HTR2A: variants seen among roughly 807,000 people sequenced by gnomAD.
The protein encoded by HTR2A is 5-hydroxytryptamine receptor 2A, also known as 5-HT2 receptor.
In HTR2A, 14 loss-of-function variants were observed where a neutral mutation model predicts 31.0. The ratio of observed to expected loss-of-function variants is 0.45; its 90% CI spans 0.30 to 0.71. HTR2A has a LOEUF of 0.71. HTR2A is among the 30% of genes least tolerant of loss of function. HTR2A has a pLI of 0.09. For missense variants in HTR2A, 442 were observed against 573.3 expected, an observed-to-expected ratio of 0.77 and a Z score of 2.34; for synonymous variants, 209 against 225.2, an observed-to-expected ratio of 0.93 and a Z score of 0.64.
chr13:46,854,584 T>C (rs949818475), intron 3 of HTR2A, among the ~76,000 whole-genome samples: 1 of 152,202 alleles, frequency 6.6e-6, no homozygotes, highest in Non-Finnish European at 1.5e-5. Context: ...TTTGAGCCTA[T>C]ATCAGAACAA....
intron 3 of HTR2A, among the ~76,000 whole-genome samples, chr13:46,848,237 T>C (rs1381126400): frequency 6.6e-6 from 1 of 152,232 alleles, no homozygotes; most frequent in Admixed American, 6.5e-5. Flanking sequence ...TTCTATGGTT[T>C]AATTTCTGCT....
intron 3 of HTR2A, among the ~76,000 whole-genome samples, chr13:46,867,829 CAGCA>C (rs1950830239): frequency 6.6e-6 from 1 of 152,338 alleles, no homozygotes; most frequent in Non-Finnish European, 1.5e-5. Context: ...TCATGTCTTG[CAGCA>C]AGATAATGTG....
At chr13:46,893,241 C>T (rs1951069545) in intron 2 of HTR2A, among the ~76,000 whole-genome samples, 1 of 152,154 alleles carries the variant, frequency 6.6e-6, no homozygotes, top group African/African-American at 2.4e-5. Context: ...GGTGTCCTTG[C>T]TCTGAGCTTT....
At chr13:46,870,291 A>G (rs1039177885) in intron 3 of HTR2A, among the ~76,000 whole-genome samples, 1 of 152,210 alleles carries the variant, frequency 6.6e-6, no homozygotes, top group African/African-American at 2.4e-5. Context: ...TGTCTTGAAC[A>G]TGCTACTTTA....
At chr13:46,836,712 C>T (rs1333136311) in intron 3 of HTR2A, among the ~76,000 whole-genome samples, 11 of 152,146 alleles carry the variant, frequency 7.2e-5, no homozygotes, top group Admixed American at 7.2e-4. Flanking sequence ...GCTGCCATCC[C>T]TCCCATGTTA....
rs1050022494 is a variant in HTR2A at position 46,835,122 on chromosome 13, T to C, written c.1131A>G (p.Pro377=). ...TCTTGTTGAACAGTGTGTAGACTAG[T>C]GGGTTGACTGCTGAAGAGAGATAAC... ...WIGYLSSAVN[P]LVYTLFNKTY... The change falls in exon 4 of 4, where the codon CCA becomes CCG. Residue 377 remains proline, a synonymous_variant. Transcript: ENST00000542664. 5 of 1,613,864 alleles carry C rather than the reference T, an allele frequency of 3.1e-6. No individual in the cohort carries two copies. The highest frequency in any genetic ancestry group is 1.1e-5 in the South Asian group (1 of 91,072).
intron 3 of HTR2A, among the ~76,000 whole-genome samples, chr13:46,839,885 G>T (rs532047242): frequency 6.6e-6 from 1 of 152,100 alleles, no homozygotes. Context: ...ACTTTGAACC[G>T]CTGGCTGTGA....
At chr13:46,870,058 T>C (rs1950853359) in intron 3 of HTR2A, among the ~76,000 whole-genome samples, 2 of 152,172 alleles carry the variant, frequency 1.3e-5, no homozygotes, top group South Asian at 2.1e-4. Flanking sequence ...AAATTCTCTA[T>C]TATATATTTT....
rs1412701327 is a variant in HTR2A at position 46,832,954 on chromosome 13, G to T, written c.*1883C>A. 1 of 152,094 alleles carries T rather than the reference G, an allele frequency of 6.6e-6. No homozygotes were observed. Among genetic ancestry groups the T allele is most frequent in the Non-Finnish European group, 1.5e-5 (1 of 68,012 alleles). The allele number at this position is 152,094 out of a possible 1,614,324, so 9.4% of individuals were successfully genotyped here. On this transcript the variant is annotated 3_prime_UTR_variant, in exon 4 of 4. Coordinates refer to ENST00000542664, the MANE Select transcript of HTR2A (RefSeq NM_000621.5). ...GTTATAATATCAAGGTGGATTAACT[G>T]TTGTTAATCTCTTTTTCTCTTTAGT...
intron 3 of HTR2A, among the ~76,000 whole-genome samples, chr13:46,845,655 A>AG (rs1199898168): frequency 8.0e-4 from 121 of 151,288 alleles, no homozygotes; most frequent in Non-Finnish European, 1.4e-3. Flanking sequence ...AAAAAAAAAA[A>AG]AAAAAGAAAA....
At chr13:46,840,277 A>G (rs1195080877) in intron 3 of HTR2A, among the ~76,000 whole-genome samples, 2 of 152,112 alleles carry the variant, frequency 1.3e-5, no homozygotes, top group African/African-American at 4.8e-5. Context: ...TGCCAATGGG[A>G]CTCACTATCC....
chr13:46,884,395 G>C (rs141756753), intron 3 of HTR2A, among the ~76,000 whole-genome samples: 1 of 152,200 alleles, frequency 6.6e-6, no homozygotes, highest in African/African-American at 2.4e-5. Flanking sequence ...AAAATATTCT[G>C]CAATTTAGAG....
chr13:46,872,420 T>C lies in HTR2A; in HGVS notation c.613+19970A>G, dbSNP rs574605167. Among the ~76,000 whole-genome samples the C allele has an allele frequency of 2.0e-5, 3 of 152,376 alleles. No individual in the cohort carries two copies. The East Asian group carries it at 5.8e-4, about 29-fold the overall frequency. On this transcript the variant is annotated intron_variant, in intron 3 of 3. Transcript: ENST00000542664. ...ATATGAAAACATTAGTTTAATACTT[T>C]GCATCTCAATTAGTAATTATTATGC...
At chr13:46,839,639 A>AT (rs1302866581) in intron 3 of HTR2A, among the ~76,000 whole-genome samples, 3 of 152,308 alleles carry the variant, frequency 2.0e-5, no homozygotes, top group Non-Finnish European at 4.4e-5. Context: ...TGTTTAATAT[A>AT]TTTTTTCTGA....
At chr13:46,873,540 G>A (rs1392481072) in intron 3 of HTR2A, among the ~76,000 whole-genome samples, 2 of 151,400 alleles carry the variant, frequency 1.3e-5, no homozygotes, top group East Asian at 3.9e-4. Flanking sequence ...TTGGTGTGCT[G>A]CACCCATTAA....
chr13:46,895,594 G>A lies in HTR2A; in HGVS notation c.313C>T (p.Leu105=). 1 of 1,614,204 alleles carries A rather than the reference G, an allele frequency of 6.2e-7. No individual in the cohort carries two copies. The change falls in exon 2 of 4, where the codon CTG becomes TTG. Residue 105 remains leucine (L), a synonymous_variant. Coordinates refer to ENST00000542664, the MANE Select transcript of HTR2A (RefSeq NM_000621.5). The surrounding 1 kb of genome is among the most constrained non-coding windows in gnomAD (Gnocchi z 4.4). ...VIMAVSLEKK[L]QNATNYFLMS... ...AGGAAATAGTTGGTGGCATTCTGCA[G>A]CTTTTTCTCTAGGGACACTGCCATG...
intron 3 of HTR2A, among the ~76,000 whole-genome samples, chr13:46,852,392 G>T (rs1950693140): frequency 1.3e-5 from 2 of 152,336 alleles, no homozygotes; most frequent in South Asian, 2.1e-4. Flanking sequence ...CAGCAAAGGG[G>T]GGCTCTCTCG....
intron 3 of HTR2A, among the ~76,000 whole-genome samples, chr13:46,878,173 A>T (rs995874144): frequency 3.3e-5 from 5 of 152,186 alleles, no homozygotes; most frequent in Admixed American, 2.0e-4. Context: ...AACCCTGTGG[A>T]CAGGGAAATG....
intron 3 of HTR2A, among the ~76,000 whole-genome samples, chr13:46,842,991 G>A (rs146664869): frequency 6.6e-6 from 1 of 152,296 alleles, no homozygotes; most frequent in African/African-American, 2.4e-5. Flanking sequence ...TAACTGTTCT[G>A]AGTAGTGTGA....
Sources: allele counts gnomAD v4.1 joint callset (sites outside exome capture counted in the v4.1 genomes callset), GRCh38; gene constraint gnomAD v4.1.1; non-coding constraint Gnocchi (gnomAD v3.1); transcripts MANE v1.5; gene names NCBI Gene and HGNC (gene_info 2026-07-23, HGNC 2026-07-21).